PKNOX1: variants seen among roughly 807,000 people sequenced by gnomAD.
The protein encoded by PKNOX1 is PBX/knotted 1 homeobox 1, also known as homeobox protein PKNOX1.
A neutral mutation model predicts 51.9 loss-of-function variants in PKNOX1; 15 were observed. The observed-to-expected ratio is 0.29, with a 90% confidence interval of 0.19 to 0.45. The LOEUF is 0.45. Ranked by LOEUF, PKNOX1 falls within the 20% of genes least tolerant of loss-of-function variation. The pLI, the probability that PKNOX1 is intolerant of heterozygous loss-of-function variation, is 1.00. For synonymous variants in PKNOX1, 219 were observed against 211.1 expected, an observed-to-expected ratio of 1.04 and a Z score of -0.32; for missense variants, 462 against 547.5, an observed-to-expected ratio of 0.84 and a Z score of 1.56.
At position 43,031,766 on chromosome 21, in the gene PKNOX1, G is replaced by A. The variant is rs77084451; in HGVS notation, c.*1665G>A. The A allele has an allele frequency of 0.033, 5,245 of 157,508 alleles. 142 individuals carry two copies. The highest frequency in any genetic ancestry group is 0.14 in the Middle Eastern group (41 of 300). 9.8% of individuals were successfully genotyped at this position (157,508 alleles called of 1,614,324 possible). The stretch of plus-strand genomic sequence containing the variant: ...TTTTTCCCAAAAGAATATATTAATT[G>A]AGGTTAAGAAGTCAGTGGGAAACAC... On this transcript the variant is annotated 3_prime_UTR_variant, in exon 11 of 11. Transcript: ENST00000291547.
chr21:42,983,967 A>C (rs797019835), intron 1 of PKNOX1, among the ~76,000 whole-genome samples: 9 of 151,994 alleles, frequency 5.9e-5, no homozygotes, highest in African/African-American at 2.2e-4. Flanking sequence ...AGTGATGTGG[A>C]GCATCTTTTC....
chr21:42,983,746 TTTTAA>T (rs1431334991), intron 1 of PKNOX1, among the ~76,000 whole-genome samples: 2 of 152,228 alleles, frequency 1.3e-5, no homozygotes, highest in Admixed American at 6.5e-5. Flanking sequence ...TTTATATTCC[TTTTAA>T]TTTAATTTAT....
At chr21:42,975,005 G>A (rs1403736248) in intron 1 of PKNOX1, among the ~76,000 whole-genome samples, 4 of 145,908 alleles carry the variant, frequency 2.7e-5, no homozygotes, top group Admixed American at 6.8e-5. Flanking sequence ...CGAAGCGCGC[G>A]CTCCTAACCG....
At chr21:43,008,061 T>TCACACACACACACACA (rs56932866) in intron 3 of PKNOX1, among the ~76,000 whole-genome samples, 16 of 146,886 alleles carry the variant, frequency 1.1e-4, no homozygotes, top group African/African-American at 3.1e-4. Context: ...CAAAACTCTG[T>TCACACACACACACACA]CACACACACA....
At chr21:43,019,418 AACACAC>A (rs1304073349) in intron 7 of PKNOX1, among the ~76,000 whole-genome samples, 1 of 148,850 alleles carries the variant, frequency 6.7e-6, no homozygotes, top group Non-Finnish European at 1.5e-5. Flanking sequence ...ACAAAAAAAA[AACACAC>A]ATTTTTTTGA....
intron 3 of PKNOX1, 153 bp downstream of exon 3, chr21:43,007,771 A>C: frequency 1.3e-6 from 1 of 785,744 alleles, no homozygotes; most frequent in Non-Finnish European, 2.0e-6. Flanking sequence ...TCAGATTAAG[A>C]TGTTATTTCT....
At position 43,021,235 on chromosome 21, in the gene PKNOX1, G is replaced by A. The variant is rs770535373; in HGVS notation, c.721-68G>A. On this transcript the variant is annotated intron_variant, in intron 7 of 10. Coordinates refer to ENST00000291547, the MANE Select transcript of PKNOX1 (RefSeq NM_004571.5). The surrounding 1 kb of genome is among the most constrained non-coding windows in gnomAD (Gnocchi z 4.6). ...CGATCCTTGGCTGTTTTCTCCACCT[G>A]CAGTTGTAAGTACTTGGATATGTGA... 2.0e-5 allele frequency: 26 copies of A among 1,296,318 alleles called. No individual in the cohort carries two copies. Among genetic ancestry groups the A allele is most frequent in the Non-Finnish European group, 2.7e-5 (25 of 931,788 alleles). 80.3% of individuals were successfully genotyped at this position (1,296,318 alleles called of 1,614,324 possible).
At chr21:42,987,404 A>AAAAAAAAATATATATATATATATATAT in intron 1 of PKNOX1, among the ~76,000 whole-genome samples, 3 of 41,414 alleles carry the variant, frequency 7.2e-5, no homozygotes, top group Admixed American at 3.1e-4. Flanking sequence ...AAAAAAAAAA[A>AAAAAAAAATATATATATATATATATAT]ATATATATAT....
chr21:42,986,597 G>A (rs1204384073), intron 1 of PKNOX1, among the ~76,000 whole-genome samples: 1 of 152,238 alleles, frequency 6.6e-6, no homozygotes, highest in Non-Finnish European at 1.5e-5. Context: ...GTGGAAGCCA[G>A]GGTGGAAGAG....
chr21:42,975,309 G>T (rs2058989076), intron 1 of PKNOX1, among the ~76,000 whole-genome samples: 1 of 151,576 alleles, frequency 6.6e-6, no homozygotes, highest in Admixed American at 6.6e-5. Context: ...TGGGCGTGAT[G>T]GGGCTCGTGG....
chr21:43,018,240 C>T lies in PKNOX1; in HGVS notation c.720+10C>T, dbSNP rs774962726. Reference sequence around the variant, plus strand: ...GATCCAGAACTCCCAGGTGCGTGCGCCATTTTATGGAAGGCTTTGGGGGCG... The same window carrying T: ...GATCCAGAACTCCCAGGTGCGTGCGTCATTTTATGGAAGGCTTTGGGGGCG... On this transcript the variant is annotated intron_variant, in intron 7 of 10. Coordinates refer to ENST00000291547, the MANE Select transcript of PKNOX1 (RefSeq NM_004571.5). 4.4e-5 allele frequency: 70 copies of T among 1,596,594 alleles called. No homozygotes were observed. In the South Asian group the frequency reaches 7.1e-4, roughly 16 times the overall value.
chr21:43,017,409 A>C, intron 6 of PKNOX1: 1 of 160,118 alleles, frequency 6.2e-6, no homozygotes, highest in Non-Finnish European at 1.4e-5. Flanking sequence ...CAAAACCGTT[A>C]CAGGAAAGGG....
At chr21:43,022,262 C>T (rs1004389692) in intron 8 of PKNOX1, among the ~76,000 whole-genome samples, 1 of 152,248 alleles carries the variant, frequency 6.6e-6, no homozygotes, top group Non-Finnish European at 1.5e-5. Flanking sequence ...TGCCCTCCCA[C>T]TGTCTCCTCT....
chr21:43,027,679 G>A (rs901784475), intron 9 of PKNOX1, among the ~76,000 whole-genome samples: 13 of 151,718 alleles, frequency 8.6e-5, no homozygotes, highest in Admixed American at 6.6e-4. Context: ...CAGCACTTTC[G>A]GAGACCAAGG....
At chr21:42,992,990 C>T (rs1387743891) in intron 1 of PKNOX1, among the ~76,000 whole-genome samples, 1 of 152,104 alleles carries the variant, frequency 6.6e-6, no homozygotes, top group East Asian at 1.9e-4. Flanking sequence ...GCGTTCCTCA[C>T]AGCATGGGGC....
chr21:42,999,219 T>A (rs1336642582), intron 1 of PKNOX1, among the ~76,000 whole-genome samples: 3 of 152,216 alleles, frequency 2.0e-5, no homozygotes, highest in Non-Finnish European at 4.4e-5. Flanking sequence ...GCATTGGCCC[T>A]TTTCAGCCAC....
chr21:43,033,728 G>A lies in PKNOX1; in HGVS notation c.*3627G>A, dbSNP rs901283378. 6.6e-6 allele frequency: 1 copy of A among 152,064 alleles called. No individual in the cohort carries two copies. The highest frequency in any genetic ancestry group is 2.4e-5 in the African/African-American group (1 of 41,402). 9.4% of individuals were successfully genotyped at this position (152,064 alleles called of 1,614,324 possible). On this transcript the variant is annotated 3_prime_UTR_variant, in exon 11 of 11. Transcript: ENST00000291547. ...TGAGAAACTAGGACCACACTGCATC[G>A]GACTAGTCAGGTCCATTTACATGTC...
chr21:43,014,990 G>A (rs1979427699), intron 5 of PKNOX1, among the ~76,000 whole-genome samples: 1 of 152,246 alleles, frequency 6.6e-6, no homozygotes, highest in Non-Finnish European at 1.5e-5. Context: ...AAGTCTTCCA[G>A]TCCACAGGTA....
chr21:43,008,485 A>G (rs942800653), intron 3 of PKNOX1, among the ~76,000 whole-genome samples: 8 of 152,250 alleles, frequency 5.3e-5, no homozygotes, highest in Non-Finnish European at 8.8e-5. Context: ...CTTGTTTAGT[A>G]TTTAAAAGTC....
Sources: allele counts gnomAD v4.1 joint callset (sites outside exome capture counted in the v4.1 genomes callset), GRCh38; gene constraint gnomAD v4.1.1; non-coding constraint Gnocchi (gnomAD v3.1); transcripts MANE v1.5; gene names NCBI Gene and HGNC (gene_info 2026-07-23, HGNC 2026-07-21).